Variants in HYDIN observed in about 807,000 individuals in gnomAD.
HYDIN encodes HYDIN axonemal central pair apparatus protein.
In HYDIN, 132 loss-of-function variants were observed where a neutral mutation model predicts 403.9. The ratio of observed to expected loss-of-function variants is 0.33; its 90% CI spans 0.28 to 0.38. HYDIN has a LOEUF of 0.38. Ranked by LOEUF, HYDIN falls within the 10% of genes least tolerant of loss-of-function variation. HYDIN has a pLI of 1.00. For synonymous variants in HYDIN, 1,202 were observed against 1,891.7 expected, an observed-to-expected ratio of 0.64 and a Z score of 9.46; for missense variants, 2,827 against 5,009.5, an observed-to-expected ratio of 0.56 and a Z score of 13.15.
intron 1 of HYDIN, among the ~76,000 whole-genome samples, chr16:71,213,705 A>G (rs1567460789): frequency 6.6e-6 from 1 of 152,178 alleles, no homozygotes; most frequent in East Asian, 1.9e-4. Context: ...AGATGCAGAA[A>G]AAGAATATGA....
intron 73 of HYDIN, among the ~76,000 whole-genome samples, chr16:70,853,112 C>T (rs1294516039): frequency 6.6e-6 from 1 of 151,830 alleles, no homozygotes; most frequent in Non-Finnish European, 1.5e-5. Context: ...ACCTGGGAGG[C>T]GGGGGTTGCA....
At chr16:71,094,796 C>A (rs2083227064) in intron 10 of HYDIN, among the ~76,000 whole-genome samples, 1 of 152,212 alleles carries the variant, frequency 6.6e-6, no homozygotes, top group Non-Finnish European at 1.5e-5. Flanking sequence ...TGTATTTGTT[C>A]TCTCCCAAGT....
rs371921552 is a variant in HYDIN, at chr16:71,116,925, AG to A, written c.1228-1131del. Among the ~76,000 whole-genome samples the A allele has an allele frequency of 2.8e-3, 426 of 152,264 alleles. 4 individuals are homozygous for A. The highest frequency in any genetic ancestry group is 9.5e-3 in the African/African-American group (394 of 41,530). On this transcript the variant is annotated intron_variant, in intron 9 of 85. Coordinates refer to ENST00000393567, the MANE Select transcript of HYDIN (RefSeq NM_001270974.2). ...TGTGTTCCCAGTACCGGGGCTTCAG[AG>A]AAGCAGAAAGGTGTGGGCTGTGACT...
intron 67 of HYDIN, chr16:70,865,477 T>A: frequency 2.4e-6 from 1 of 410,700 alleles, no homozygotes. Context: ...TGAATGTGGG[T>A]GAAGGGTTAA....
At chr16:71,107,352 G>T (rs2083654617) in intron 10 of HYDIN, among the ~76,000 whole-genome samples, 1 of 150,560 alleles carries the variant, frequency 6.6e-6, no homozygotes, top group Non-Finnish European at 1.5e-5. Flanking sequence ...CTTCTGCACA[G>T]CAAAAGAAAC....
At chr16:71,211,523 T>C (rs1448618638) in intron 1 of HYDIN, among the ~76,000 whole-genome samples, 1 of 151,654 alleles carries the variant, frequency 6.6e-6, no homozygotes, top group Non-Finnish European at 1.5e-5. Flanking sequence ...GCACCTGTAG[T>C]CCCAGCTACT....
At chr16:70,985,638 G>A (rs1364654686) in intron 27 of HYDIN, among the ~76,000 whole-genome samples, 2 of 149,638 alleles carry the variant, frequency 1.3e-5, no homozygotes, top group South Asian at 2.1e-4. Context: ...AAAAAGATTT[G>A]CCTAGTATTC....
chr16:71,207,686 T>A (rs1254782989), intron 1 of HYDIN, among the ~76,000 whole-genome samples: 2 of 152,008 alleles, frequency 1.3e-5, no homozygotes, highest in East Asian at 3.9e-4. Context: ...CCATCTCACA[T>A]GCAATGACAC....
At chr16:70,823,964 A>C (rs2036423118) in intron 83 of HYDIN, among the ~76,000 whole-genome samples, 1 of 148,488 alleles carries the variant, frequency 6.7e-6, no homozygotes. Flanking sequence ...GGGATTCGTC[A>C]TGAGTTTTCC....
At chr16:70,822,055 C>A (rs2036302856) in intron 83 of HYDIN, among the ~76,000 whole-genome samples, 1 of 152,140 alleles carries the variant, frequency 6.6e-6, no homozygotes, top group Admixed American at 6.6e-5. Context: ...ATGAAGGAGT[C>A]ATTTTGACTT....
intron 7 of HYDIN, among the ~76,000 whole-genome samples, chr16:71,139,513 A>G (rs1208736743): frequency 6.6e-6 from 1 of 152,178 alleles, no homozygotes; most frequent in East Asian, 1.9e-4. Flanking sequence ...TGCTGAAGCC[A>G]TATGTAGGAA....
intron 1 of HYDIN, among the ~76,000 whole-genome samples, chr16:71,222,507 A>T (rs1193438214): frequency 6.6e-6 from 1 of 152,204 alleles, no homozygotes; most frequent in Non-Finnish European, 1.5e-5. Context: ...AGAGAAAAAA[A>T]TAAAGGGCAT....
rs781478651 is a variant in HYDIN at position 71,230,657 on chromosome 16, T to C, written c.-119A>G. ...ACCCCGCCGCCGCTGAGGGGCTCCA[T>C]ACCCAGCTTGAAGCCGCCCGCACTC... On this transcript the variant is annotated 5_prime_UTR_variant, in exon 1 of 86. The change abolishes an upstream ATG in the 5' untranslated region. Transcript: ENST00000393567. 6.4e-5 allele frequency: 99 copies of C among 1,535,920 alleles called. No homozygotes were observed. Among genetic ancestry groups the C allele is most frequent in the Non-Finnish European group, 8.5e-5 (98 of 1,146,862 alleles).
intron 18 of HYDIN, among the ~76,000 whole-genome samples, chr16:71,047,298 G>A (rs1456144583): frequency 3.3e-5 from 5 of 152,104 alleles, no homozygotes; most frequent in Admixed American, 6.6e-5. Context: ...CAAGGAAGGT[G>A]CTGACCCATC....
At chr16:70,971,957 A>G (rs1597444585) in intron 35 of HYDIN, among the ~76,000 whole-genome samples, 2 of 152,338 alleles carry the variant, frequency 1.3e-5, no homozygotes, top group Middle Eastern at 6.8e-3. Context: ...TTCCTTGTAT[A>G]CAGCTAATAA....
chr16:71,020,442 G>A (rs1385415748), intron 21 of HYDIN, 125 bp from the exon 22 acceptor site: 22 of 1,343,106 alleles, frequency 1.6e-5, no homozygotes, highest in Non-Finnish European at 2.1e-5. Flanking sequence ...GTGTGTGTGT[G>A]TGTGTGTATA....
intron 84 of HYDIN, among the ~76,000 whole-genome samples, chr16:70,812,357 C>A (rs1256378537): frequency 6.6e-6 from 1 of 151,654 alleles, no homozygotes; most frequent in East Asian, 1.9e-4. Flanking sequence ...TGCATGGTGG[C>A]GCATATCTGT....
chr16:71,202,013 T>C (rs2088044187), intron 1 of HYDIN, among the ~76,000 whole-genome samples: 1 of 152,254 alleles, frequency 6.6e-6, no homozygotes, highest in African/African-American at 2.4e-5. Flanking sequence ...AATTTAAACA[T>C]GGCAGACAAG....
At chr16:70,889,798 A>C (rs2041365472) in intron 57 of HYDIN, 94 bp from the exon 58 acceptor site, 1 of 760,014 alleles carries the variant, frequency 1.3e-6, no homozygotes, top group South Asian at 1.6e-5. Flanking sequence ...CCCTTCTCCC[A>C]GGAATGGGGG....
Sources: allele counts gnomAD v4.1 joint callset (sites outside exome capture counted in the v4.1 genomes callset), GRCh38; gene constraint gnomAD v4.1.1; transcripts MANE v1.5; gene names NCBI Gene and HGNC (gene_info 2026-07-23, HGNC 2026-07-21).